The following RELN variants were observed in gnomAD, a reference collection of about 807,000 sequenced individuals.
The protein encoded by RELN is reelin.
A neutral mutation model predicts 427.6 loss-of-function variants in RELN; 108 were observed. The observed-to-expected ratio is 0.25, with a 90% confidence interval of 0.22 to 0.30. The LOEUF (loss-of-function observed/expected upper bound fraction) is 0.30. RELN is among the 10% of genes least tolerant of loss of function. RELN has a pLI of 1.00. For missense variants in RELN, 3,715 were observed against 4,302.8 expected (o/e 0.86, Z 3.82); for synonymous variants, 1,524 against 1,513.4 (o/e 1.01, Z -0.16).
chr7:103,793,835 C>T (rs566187083), intron 3 of RELN, among the ~76,000 whole-genome samples: 15 of 152,254 alleles, frequency 9.9e-5, no homozygotes, highest in African/African-American at 2.6e-4. Context: ...GGCACAGTCT[C>T]GGTTCACTGC....
chr7:103,802,357 T>C (rs78945887), intron 3 of RELN, among the ~76,000 whole-genome samples: 1,834 of 152,280 alleles, frequency 0.012, 47 homozygotes, highest in African/African-American at 0.042. Context: ...CTTCATATGA[T>C]GTAATATGTA....
In RELN at chr7:103,875,012, A is replaced by G. The variant is rs561845722; in HGVS notation, c.338-41340T>C. Among the ~76,000 whole-genome samples the G allele has an allele frequency of 6.8e-3, 986 of 146,062 alleles. 55 individuals carry two copies. Among genetic ancestry groups the G allele is most frequent in the African/African-American group, 0.023 (928 of 40,812 alleles). ...ATGGTACTGGTACCAAAACAGAGAT[A>G]CAGATCAATGGAACAGAATAGAGCC... On this transcript the variant is annotated intron_variant, in intron 2 of 64. Coordinates refer to ENST00000428762, the MANE Select transcript of RELN (RefSeq NM_005045.4).
chr7:103,752,611 T>G (rs1417655965), intron 5 of RELN, among the ~76,000 whole-genome samples: 1 of 152,102 alleles, frequency 6.6e-6, no homozygotes, highest in Non-Finnish European at 1.5e-5. Flanking sequence ...ATGGGGGTCT[T>G]GCTCTGCTGC....
chr7:103,640,564 T>C lies in RELN; in HGVS notation c.2048A>G (p.Gln683Arg). Reference sequence around the variant, plus strand: ...TTACTTGCAACCATGTCTAGTGCACTGTCCTCTGCCAGAACAGAATTTGAG... The same window carrying C: ...TTACTTGCAACCATGTCTAGTGCACCGTCCTCTGCCAGAACAGAATTTGAG... ...SCLKFCSGRG[Q>R]CTRHGCKCDP... is the part of the protein sequence containing the mutation. The change falls in exon 17 of 65, where the codon CAG becomes CGG. Residue 683 changes from glutamine (Q) to arginine (R), a missense_variant. Coordinates refer to ENST00000428762, the MANE Select transcript of RELN (RefSeq NM_005045.4). This position sits in a 1 kb window ranked among gnomAD's most constrained non-coding sequence, Gnocchi z 4.1. The C allele has an allele frequency of 3.7e-6, 6 of 1,613,936 alleles. No homozygotes were observed. The highest frequency in any genetic ancestry group is 5.1e-6 in the Non-Finnish European group (6 of 1,179,890).
At chr7:103,561,092 C>T (rs184571307) in intron 36 of RELN, among the ~76,000 whole-genome samples, 10 of 152,012 alleles carry the variant, frequency 6.6e-5, no homozygotes, top group Non-Finnish European at 8.8e-5. Flanking sequence ...TTTGAGAATG[C>T]TATTTTACTT....
chr7:103,856,496 G>C (rs953264576), intron 2 of RELN, among the ~76,000 whole-genome samples: 2 of 147,530 alleles, frequency 1.4e-5, no homozygotes, highest in Admixed American at 6.9e-5. Context: ...TTGAACCCAG[G>C]AAGCGGAGAT....
intron 11 of RELN, among the ~76,000 whole-genome samples, chr7:103,673,938 C>T (rs1833452200): frequency 6.6e-6 from 1 of 152,010 alleles, no homozygotes; most frequent in South Asian, 2.1e-4. Flanking sequence ...GCCCCTCCTC[C>T]TCTTCTTCCT....
chr7:103,743,252 C>T (rs571893452), intron 6 of RELN, among the ~76,000 whole-genome samples: 3 of 152,238 alleles, frequency 2.0e-5, no homozygotes, highest in Admixed American at 6.5e-5. Context: ...TAAAAGAGTT[C>T]CTGAAGGAGG....
intron 53 of RELN, among the ~76,000 whole-genome samples, chr7:103,498,544 TAC>T (rs1233173580): frequency 6.6e-6 from 1 of 151,962 alleles, no homozygotes; most frequent in Non-Finnish European, 1.5e-5. Flanking sequence ...TGGGCTGGAG[TAC>T]AGTGGCACAA....
At chr7:103,495,545 C>G (rs952590938) in intron 57 of RELN, among the ~76,000 whole-genome samples, 178 bp downstream of exon 57, 2 of 152,124 alleles carry the variant, frequency 1.3e-5, no homozygotes, top group African/African-American at 4.8e-5. Context: ...TTTATCTATC[C>G]TCAAGTAATC....
Position 103,539,272 on chromosome 7 carries a change from G to T in RELN, c.6986C>A (p.Thr2329Asn), listed in dbSNP as rs201403495. The T allele has an allele frequency of 1.2e-6, 2 of 1,614,180 alleles. No homozygotes were observed. Among genetic ancestry groups the T allele is most frequent in the South Asian group, 1.1e-5 (1 of 91,088 alleles). The change falls in exon 45 of 65, where the codon ACC becomes AAC. Residue 2329 changes from threonine (T) to asparagine (N), a missense_variant. Physicochemically the swap from Thr to Asn is moderately conservative, Grantham distance 65. Around this residue, in one of 4 missense-constraint regions of RELN, gnomAD observed 1,310 missense variants for 1,643.0 expected, o/e 0.80. Transcript: ENST00000428762. ...GNTVLEDDFT[T>N]LDSRKWLLHP... ...AAGCAGCCATTTCCTACTATCAAGG[G>T]TTGTGAAATCATCTTCCAAGACCGT...
At chr7:103,623,147 G>C (rs1832255727) in intron 20 of RELN, among the ~76,000 whole-genome samples, 1 of 152,194 alleles carries the variant, frequency 6.6e-6, no homozygotes, top group Non-Finnish European at 1.5e-5. Context: ...ATAATAGGAA[G>C]TGACTTTTCC....
rs777665575 is a variant in RELN, at chr7:103,574,285, A to G, written c.4318T>C (p.Cys1440Arg). Reference sequence around the variant, plus strand: ...TTGTGATTGGGGACATTTGACACACAGGTTCCTTGTGCAGCTTCAGAAAAA... The same window carrying G: ...TTGTGATTGGGGACATTTGACACACGGGTTCCTTGTGCAGCTTCAGAAAAA... ...DLGYTAAQGT[C>R]VSNVPNHNEM... is the part of the protein sequence containing the mutation. The change falls in exon 30 of 65, where the codon TGT (cysteine) becomes CGT (arginine). Residue 1440 changes from cysteine to arginine, a missense_variant. By Grantham distance (180) the Cys-to-Arg change is radical. Around this residue, in one of 4 missense-constraint regions of RELN, gnomAD observed 2,208 missense variants for 2,361.7 expected, o/e 0.93. Coordinates refer to ENST00000428762, the MANE Select transcript of RELN (RefSeq NM_005045.4). 1.2e-6 allele frequency: 2 copies of G among 1,614,086 alleles called. No individual in the cohort carries two copies. The highest frequency in any genetic ancestry group is 1.7e-6 in the Non-Finnish European group (2 of 1,179,928).
rs547236691 is a variant in RELN at position 103,515,444 on chromosome 7, A to G, written c.7863-3T>C. 61 of 1,613,968 alleles carry G rather than the reference A, an allele frequency of 3.8e-5. 2 individuals carry two copies. Among genetic ancestry groups the G allele is most frequent in the South Asian group, 3.4e-4 (31 of 91,072 alleles). ...GAGGGAGAAGGATATTCACAAATCT[A>G]TAGGAAAATGATGGGGAAGGGTGTG... On this transcript the variant is annotated splice_polypyrimidine_tract_variant and splice_region_variant and intron_variant, in intron 49 of 64. Coordinates refer to ENST00000428762, the MANE Select transcript of RELN (RefSeq NM_005045.4).
intron 10 of RELN, among the ~76,000 whole-genome samples, chr7:103,693,233 C>G (rs565046961): frequency 2.0e-4 from 31 of 151,774 alleles, no homozygotes; most frequent in African/African-American, 7.5e-4. Context: ...TCTCAGCAAA[C>G]TAACACAGGA....
intron 2 of RELN, among the ~76,000 whole-genome samples, chr7:103,884,874 G>A (rs929914551): frequency 6.6e-6 from 1 of 152,156 alleles, no homozygotes; most frequent in Non-Finnish European, 1.5e-5. Flanking sequence ...AGACTGTGAC[G>A]ATTCCTCAGG....
chr7:103,680,754 A>T (rs1001054463), intron 11 of RELN, among the ~76,000 whole-genome samples: 15 of 151,608 alleles, frequency 9.9e-5, no homozygotes, highest in African/African-American at 3.6e-4. Context: ...AATGAGAAAC[A>T]GTGGTTTCTG....
chr7:103,930,061 T>C (rs888883590), intron 1 of RELN, among the ~76,000 whole-genome samples: 1 of 152,208 alleles, frequency 6.6e-6, no homozygotes, highest in African/African-American at 2.4e-5. Context: ...ATTAGCTTGG[T>C]AGGGTTGCCA....
At chr7:103,922,342 AAT>A (rs908746400) in intron 1 of RELN, among the ~76,000 whole-genome samples, 2 of 152,094 alleles carry the variant, frequency 1.3e-5, no homozygotes, top group Non-Finnish European at 2.9e-5. Context: ...TTTGTATGTG[AAT>A]ATATATATAC....
Sources: allele counts gnomAD v4.1 joint callset (sites outside exome capture counted in the v4.1 genomes callset), GRCh38; gene constraint gnomAD v4.1.1; regional missense constraint gnomAD v4.1.1; non-coding constraint Gnocchi (gnomAD v3.1); transcripts MANE v1.5; gene names NCBI Gene and HGNC (gene_info 2026-07-23, HGNC 2026-07-21).